MILR1: variants seen among roughly 807,000 people sequenced by gnomAD.
MILR1 encodes the protein allergin-1.
A neutral mutation model predicts 18.5 loss-of-function variants in MILR1; 31 were observed. The ratio of observed to expected loss-of-function variants is 1.68; its 90% CI spans 1.26 to 2.26. The LOEUF (loss-of-function observed/expected upper bound fraction) is 2.26, where lower values mean the gene tolerates loss of function less well. Ranked by LOEUF, MILR1 falls within the 30% of genes most tolerant of loss-of-function variation. The pLI is 0.00. For synonymous variants in MILR1, 85 were observed against 56.2 expected (o/e 1.51, Z -2.30); for missense variants, 257 against 157.4 (o/e 1.63, Z -3.38).
At chr17:64,485,271 A>G in the MILR1 span, 1 of 173,472 alleles carries the variant, frequency 5.8e-6, no homozygotes, top group South Asian at 1.4e-4. Context: ...TTCATGCACT[A>G]AAATCAGCCT....
At chr17:64,476,252 C>T in the MILR1 span, among the ~76,000 whole-genome samples, 1 of 152,132 alleles carries the variant, frequency 6.6e-6, no homozygotes, top group African/African-American at 2.4e-5. Context: ...CTACCATTAT[C>T]ACACCCAACA....
chr17:64,464,648 T>C (rs868907308), intron 5 of MILR1, among the ~76,000 whole-genome samples: 3 of 152,182 alleles, frequency 2.0e-5, no homozygotes, highest in Non-Finnish European at 4.4e-5. Flanking sequence ...ACAATAGAAT[T>C]CAGTGAGGCT....
the MILR1 span, among the ~76,000 whole-genome samples, chr17:64,495,727 A>G: frequency 1.3e-5 from 2 of 151,944 alleles, no homozygotes; most frequent in Non-Finnish European, 2.9e-5. Context: ...TTTTTTTTTA[A>G]GACGGAGTTT....
At chr17:64,475,649 C>CAA in the MILR1 span, among the ~76,000 whole-genome samples, 5 of 86,250 alleles carry the variant, frequency 5.8e-5, no homozygotes, top group East Asian at 5.1e-4. Flanking sequence ...AACTCCAACT[C>CAA]AAAAAAAAAA....
chr17:64,466,154 A>T (rs1356885021), intron 6 of MILR1, among the ~76,000 whole-genome samples: 1 of 152,140 alleles, frequency 6.6e-6, no homozygotes, highest in Admixed American at 6.6e-5. Context: ...CCCTTATAAA[A>T]CCATCAGATC....
At chr17:64,484,605 T>G in the MILR1 span, among the ~76,000 whole-genome samples, 1,902 of 152,198 alleles carry the variant, frequency 0.012, 42 homozygotes, top group African/African-American at 0.043. Flanking sequence ...GTAGACAGGC[T>G]AGGAAGTGGT....
chr17:64,493,154 A>C, the MILR1 span: 2 of 992,412 alleles, frequency 2.0e-6, no homozygotes, highest in Non-Finnish European at 3.1e-6. Flanking sequence ...TTGGTGGCTC[A>C]CGCCTATAAT....
chr17:64,489,905 C>T, the MILR1 span, among the ~76,000 whole-genome samples: 1 of 152,018 alleles, frequency 6.6e-6, no homozygotes, highest in Non-Finnish European at 1.5e-5. Context: ...GCCCACAACA[C>T]TTATTAATTA....
intron 2 of MILR1, among the ~76,000 whole-genome samples, chr17:64,449,946 C>CTT (rs10650884): frequency 2.7e-4 from 39 of 144,950 alleles, no homozygotes; most frequent in East Asian, 1.4e-3. Flanking sequence ...TTCTTTCTTT[C>CTT]TTTTTTTTTT....
rs182126470 is a variant in MILR1 at position 64,464,871 on chromosome 17, C to T, written c.764-581C>T. ...ACCAGGATGCGGAGGTTGCGGTGAG[C>T]GGAGATTGCACCATGGCACTCCAGC... On this transcript the variant is annotated intron_variant, in intron 5 of 9. Coordinates refer to ENST00000619286, the MANE Select transcript of MILR1 (RefSeq NM_001085423.2). 4.6e-5 allele frequency among the ~76,000 whole-genome samples: 7 copies of T among 152,304 alleles called. No individual in the cohort carries two copies. The East Asian group carries it at 5.8e-4, about 13-fold the overall frequency.
At chr17:64,463,774 C>T (rs2037483212) in intron 5 of MILR1, among the ~76,000 whole-genome samples, 1 of 151,682 alleles carries the variant, frequency 6.6e-6, no homozygotes, top group African/African-American at 2.4e-5. Flanking sequence ...CCTTAGCCTC[C>T]CTAGTAGCTG....
chr17:64,461,287 C>T (rs1360292933), intron 5 of MILR1, among the ~76,000 whole-genome samples: 1 of 151,900 alleles, frequency 6.6e-6, no homozygotes, highest in African/African-American at 2.4e-5. Flanking sequence ...TGCTCTTGTT[C>T]CCCAGGCTGG....
downstream of MILR1, among the ~76,000 whole-genome samples, chr17:64,472,885 C>A (rs2037711385): frequency 6.6e-6 from 1 of 152,124 alleles, no homozygotes; most frequent in Non-Finnish European, 1.5e-5. Flanking sequence ...TTTTACAAAT[C>A]ATTAAGAGAA....
At chr17:64,484,194 G>C in the MILR1 span, 1 of 152,312 alleles carries the variant, frequency 6.6e-6, no homozygotes, top group Non-Finnish European at 1.5e-5. Flanking sequence ...GATGGAACAT[G>C]CTGGCAAGAG....
At chr17:64,468,944 G>C (rs1020818990), downstream of MILR1, among the ~76,000 whole-genome samples, 4 of 152,064 alleles carry the variant, frequency 2.6e-5, no homozygotes, top group Middle Eastern at 6.8e-3. Context: ...AAAATTAGCT[G>C]GGCACAGTGG....
chr17:64,482,852 G>T, the MILR1 span: 59 of 922,628 alleles, frequency 6.4e-5, no homozygotes, highest in Non-Finnish European at 1.1e-4. Flanking sequence ...AAATGGTCCT[G>T]GTCCAAAGCG....
chr17:64,467,624 C>T lies in MILR1; in HGVS notation c.*7C>T. 6.4e-7 allele frequency: 1 copy of T among 1,558,444 alleles called. No homozygotes were observed. The highest frequency in any genetic ancestry group is 8.7e-7 in the Non-Finnish European group (1 of 1,143,016). ...TTCTGAACTCAACTTCTGAAATTTA[C>T]AGAAACAAACTACATCTCAGGGTAA... On this transcript the variant is annotated 3_prime_UTR_variant, in exon 9 of 10. Transcript: ENST00000619286.
the MILR1 span, among the ~76,000 whole-genome samples, chr17:64,481,741 G>A: frequency 6.6e-5 from 10 of 151,970 alleles, no homozygotes; most frequent in South Asian, 2.1e-4. Context: ...CAGGTGTGGC[G>A]GTGTGTACCT....
the MILR1 span, chr17:64,484,369 G>C: frequency 2.6e-5 from 4 of 152,302 alleles, no homozygotes; most frequent in Non-Finnish European, 5.9e-5. Context: ...GCTCTGAGCT[G>C]GCAGCATCTC....
Sources: allele counts gnomAD v4.1 joint callset (sites outside exome capture counted in the v4.1 genomes callset), GRCh38; gene constraint gnomAD v4.1.1; transcripts MANE v1.5; gene names NCBI Gene and HGNC (gene_info 2026-07-23, HGNC 2026-07-21).